The following FNIP2 variants were observed in gnomAD, a reference collection of about 807,000 sequenced individuals.
FNIP2 encodes folliculin-interacting protein 2.
FNIP2 carries 32 observed loss-of-function variants against 108.7 expected under a neutral mutation model. The observed-to-expected ratio is 0.29, with a 90% CI of 0.22 to 0.40. The LOEUF (loss-of-function observed/expected upper bound fraction) is 0.40, where lower values mean the gene tolerates loss of function less well. Ranked by LOEUF, FNIP2 falls within the 10% of genes least tolerant of loss-of-function variation. The pLI, the probability that FNIP2 is intolerant of heterozygous loss-of-function variation, is 1.00. For synonymous variants in FNIP2, 480 were observed against 496.7 expected, an observed-to-expected ratio of 0.97 and a Z score of 0.45; for missense variants, 1,202 against 1,381.6, an observed-to-expected ratio of 0.87 and a Z score of 2.06.
At chr4:158,794,060 GA>G (rs1776505214) in intron 1 of FNIP2, among the ~76,000 whole-genome samples, 1 of 152,192 alleles carries the variant, frequency 6.6e-6, no homozygotes, top group Admixed American at 6.5e-5. Context: ...TAAAGAATGT[GA>G]AATATTCTGT....
intron 1 of FNIP2, among the ~76,000 whole-genome samples, chr4:158,789,367 G>A (rs964641353): frequency 2.6e-5 from 4 of 151,986 alleles, no homozygotes; most frequent in Non-Finnish European, 4.4e-5. Flanking sequence ...CATTCAGAAC[G>A]CATTTTTTCA....
chr4:158,841,156 G>C (rs184511185), intron 7 of FNIP2, among the ~76,000 whole-genome samples: 35 of 152,280 alleles, frequency 2.3e-4, no homozygotes, highest in East Asian at 9.7e-4. Flanking sequence ...CTGTTCTGGG[G>C]AGACAACAGG....
chr4:158,843,650 G>A (rs1245423876), intron 7 of FNIP2, among the ~76,000 whole-genome samples: 1 of 152,220 alleles, frequency 6.6e-6, no homozygotes, highest in Non-Finnish European at 1.5e-5. Context: ...CCAACTATGT[G>A]AAGATCACAA....
chr4:158,833,738 T>C (rs1438160715), intron 6 of FNIP2, 110 bp downstream of exon 6: 5 of 1,430,810 alleles, frequency 3.5e-6, no homozygotes, highest in Non-Finnish European at 4.8e-6. Context: ...TTATCTTTAA[T>C]CTGTGTTTAT....
chr4:158,782,525 T>G (rs1349379476), intron 1 of FNIP2, among the ~76,000 whole-genome samples: 2 of 150,206 alleles, frequency 1.3e-5, no homozygotes, highest in Non-Finnish European at 3.0e-5. Context: ...TCCTTTTTGT[T>G]TTTTTTTTTT....
chr4:158,873,418 T>C (rs1781076735), intron 14 of FNIP2, among the ~76,000 whole-genome samples: 1 of 152,166 alleles, frequency 6.6e-6, no homozygotes, highest in Non-Finnish European at 1.5e-5. Context: ...TCTTCCTGTA[T>C]TGCCCAGGCT....
intron 1 of FNIP2, among the ~76,000 whole-genome samples, chr4:158,770,261 ATATTGCCTTTGAGCACAGGTAT>A (rs1261397585): frequency 5.9e-5 from 9 of 152,318 alleles, no homozygotes; most frequent in Admixed American, 3.9e-4. Flanking sequence ...AAAATGTCCT[ATATTGCCTTTGAGCACAGGTAT>A]GTTGAGAAGT....
chr4:158,810,763 G>A (rs1777226160), intron 1 of FNIP2, among the ~76,000 whole-genome samples: 1 of 152,224 alleles, frequency 6.6e-6, no homozygotes, highest in East Asian at 1.9e-4. Context: ...ACTGTGTCCA[G>A]AATGACAGTG....
chr4:158,885,015 G>A (rs1394129917), intron 14 of FNIP2, among the ~76,000 whole-genome samples: 2 of 151,672 alleles, frequency 1.3e-5, no homozygotes, highest in African/African-American at 4.8e-5. Context: ...AATTAGCTGG[G>A]CATGGTGGTG....
At position 158,868,458 on chromosome 4, in the gene FNIP2, A is replaced by G. The variant is rs200484810; in HGVS notation, c.1822A>G (p.Arg608Gly). Residue 608 changes from arginine (R) to glycine (G), a missense_variant, in exon 13 of 17, where the codon AGA (arginine) becomes GGA (glycine). By Grantham distance (125) the Arg-to-Gly change is moderately radical (BLOSUM62 -2). Coordinates refer to ENST00000264433, the MANE Select transcript of FNIP2 (RefSeq NM_020840.3). This position sits in a 1 kb window ranked among gnomAD's most constrained non-coding sequence, Gnocchi z 4.6. ...TGAGTGCCCAGAGGGCACTGACAGT[A>G]GAGACCTGGGTCTTAAACCTGACAA... is the stretch of plus-strand genomic sequence containing the variant. ...FPECPEGTDS[R>G]DLGLKPDKEA... is the part of the protein sequence containing the mutation. 206 of 1,613,912 alleles carry G rather than the reference A, an allele frequency of 1.3e-4. No homozygotes were observed. Among genetic ancestry groups the G allele is most frequent in the Middle Eastern group, 1.6e-4 (1 of 6,084 alleles).
chr4:158,781,890 G>A (rs773478626), intron 1 of FNIP2, among the ~76,000 whole-genome samples: 16 of 151,152 alleles, frequency 1.1e-4, no homozygotes, highest in Non-Finnish European at 2.2e-4. Flanking sequence ...CTCTAAATGA[G>A]TTTTTTTTTC....
At chr4:158,891,378 G>T (rs1782269073) in intron 14 of FNIP2, 68 bp from the exon 15 acceptor site, 1 of 1,375,308 alleles carries the variant, frequency 7.3e-7, no homozygotes, top group Non-Finnish European at 1.0e-6. Flanking sequence ...GTATTTATCA[G>T]TAGTGAAACT....
intron 1 of FNIP2, among the ~76,000 whole-genome samples, chr4:158,821,046 A>G (rs889011988): frequency 6.6e-6 from 1 of 152,212 alleles, no homozygotes; most frequent in African/African-American, 2.4e-5. Context: ...GTCATGTTTC[A>G]GGGAAGTAAC....
At chr4:158,776,240 C>T (rs71609008) in intron 1 of FNIP2, among the ~76,000 whole-genome samples, 1 of 152,158 alleles carries the variant, frequency 6.6e-6, no homozygotes, top group Non-Finnish European at 1.5e-5. Flanking sequence ...TGGTGGGGAC[C>T]TCAGCCTGAT....
At chr4:158,901,744 A>G (rs62354048) in intron 16 of FNIP2, among the ~76,000 whole-genome samples, 2,575 of 151,474 alleles carry the variant, frequency 0.017, 54 homozygotes, top group South Asian at 0.091. Flanking sequence ...TTGATCTTCA[A>G]TCTCTGATAG....
At chr4:158,855,329 G>A (rs1186508679) in intron 8 of FNIP2, among the ~76,000 whole-genome samples, 1 of 152,210 alleles carries the variant, frequency 6.6e-6, no homozygotes, top group East Asian at 1.9e-4. Flanking sequence ...GGGCCCTTGT[G>A]AGAGGGGGGA....
chr4:158,785,485 G>A (rs997023888), intron 1 of FNIP2, among the ~76,000 whole-genome samples: 3 of 151,838 alleles, frequency 2.0e-5, no homozygotes, highest in South Asian at 2.1e-4. Flanking sequence ...CCCATGATTC[G>A]TTCTTTCTTT....
intron 1 of FNIP2, among the ~76,000 whole-genome samples, chr4:158,792,610 A>C (rs943685997): frequency 2.0e-5 from 3 of 152,242 alleles, no homozygotes; most frequent in Non-Finnish European, 4.4e-5. Context: ...CATATACACT[A>C]TAAACCAAGG....
intron 15 of FNIP2, among the ~76,000 whole-genome samples, chr4:158,894,465 A>G (rs1191387880): frequency 6.6e-6 from 1 of 152,084 alleles, no homozygotes; most frequent in Non-Finnish European, 1.5e-5. Flanking sequence ...AGCCACTATG[A>G]CTGGCTAAAA....
Sources: gnomAD v4.1 joint callset for allele counts (sites outside exome capture counted in the v4.1 genomes callset) on GRCh38, gnomAD v4.1.1 for gene constraint, Gnocchi (gnomAD v3.1) non-coding constraint, MANE v1.5 for transcripts, NCBI Gene and HGNC (gene_info 2026-07-23, HGNC 2026-07-21) for gene names.